Variants in WDR70 observed in about 807,000 individuals in gnomAD.
WDR70 encodes the protein WD repeat domain 70, also known as WD repeat-containing protein 70.
A neutral mutation model predicts 88.6 loss-of-function variants in WDR70; 53 were observed. The observed-to-expected ratio is 0.60, with a 90% CI of 0.48 to 0.75. The LOEUF (loss-of-function observed/expected upper bound fraction) is 0.75, where lower values mean the gene tolerates loss of function less well. Among genes scored for constraint, WDR70 ranks in the 30% least tolerant of loss-of-function variants. WDR70 has a pLI of 0.00. For synonymous variants in WDR70, 280 were observed against 270.0 expected (o/e 1.04, Z -0.36); for missense variants, 610 against 823.2 (o/e 0.74, Z 3.17).
chr5:37,463,644 G>C (rs11750212), intron 7 of WDR70, among the ~76,000 whole-genome samples: 66,468 of 152,066 alleles, frequency 0.44, 14,910 homozygotes, highest in East Asian at 0.57. Context: ...CCGTGAGAGA[G>C]CATTCACTTC....
At chr5:37,538,720 A>G (rs1008778418) in intron 9 of WDR70, among the ~76,000 whole-genome samples, 1 of 152,192 alleles carries the variant, frequency 6.6e-6, no homozygotes, top group Non-Finnish European at 1.5e-5. Context: ...AGAGGGCAAG[A>G]TGGCAGTCTT....
chr5:37,507,180 T>C (rs998423746), intron 8 of WDR70, among the ~76,000 whole-genome samples: 1 of 152,236 alleles, frequency 6.6e-6, no homozygotes, highest in African/African-American at 2.4e-5. Flanking sequence ...TTCATGTAAA[T>C]TTTAGAAGCA....
chr5:37,675,432 A>G (rs1006209022), intron 10 of WDR70, among the ~76,000 whole-genome samples: 30 of 152,166 alleles, frequency 2.0e-4, no homozygotes, highest in Non-Finnish European at 4.1e-4. Context: ...GAAGGGATCC[A>G]GTTTCAGCTT....
chr5:37,499,590 TCTCTCTCTCTCTCTCTC>T (rs1740338204), intron 8 of WDR70, among the ~76,000 whole-genome samples: 6 of 134,508 alleles, frequency 4.5e-5, no homozygotes, highest in South Asian at 2.6e-4. Flanking sequence ...GGAAATATTC[TCTCTCTCTCTCTCTCTC>T]TCTCTCTCTC....
chr5:37,414,355 T>C (rs1044275995), intron 5 of WDR70, among the ~76,000 whole-genome samples: 1 of 152,074 alleles, frequency 6.6e-6, no homozygotes, highest in African/African-American at 2.4e-5. Context: ...TATTCCCGCA[T>C]GGAAACTTTC....
chr5:37,680,811 A>G (rs942057402), intron 10 of WDR70, among the ~76,000 whole-genome samples: 3 of 152,112 alleles, frequency 2.0e-5, no homozygotes, highest in African/African-American at 7.2e-5. Flanking sequence ...ACCCTGTAGT[A>G]TAGTGTGAGT....
intron 9 of WDR70, among the ~76,000 whole-genome samples, chr5:37,554,869 G>A (rs1014593663): frequency 6.6e-6 from 1 of 152,030 alleles, no homozygotes; most frequent in Non-Finnish European, 1.5e-5. Flanking sequence ...CTGTGTCTTA[G>A]TTACAGATTT....
intron 5 of WDR70, among the ~76,000 whole-genome samples, chr5:37,425,863 A>C (rs1670230426): frequency 1.3e-5 from 2 of 152,202 alleles, no homozygotes; most frequent in African/African-American, 4.8e-5. Context: ...AGTTGCTGAG[A>C]TAGAAAGCAG....
chr5:37,412,536 A>G (rs890959681), intron 5 of WDR70, among the ~76,000 whole-genome samples: 27 of 152,062 alleles, frequency 1.8e-4, no homozygotes, highest in Admixed American at 1.3e-4. Context: ...TATCTTTGCT[A>G]TCCTGTTTCC....
At chr5:37,433,294 C>G (rs1023472086) in intron 5 of WDR70, among the ~76,000 whole-genome samples, 3 of 152,146 alleles carry the variant, frequency 2.0e-5, no homozygotes, top group Non-Finnish European at 4.4e-5. Context: ...CTCCTGGCCT[C>G]AAGTGATCCG....
intron 13 of WDR70, among the ~76,000 whole-genome samples, chr5:37,717,460 T>G (rs1438275767): frequency 6.6e-6 from 1 of 152,230 alleles, no homozygotes; most frequent in Non-Finnish European, 1.5e-5. Flanking sequence ...ATGCTTTATT[T>G]GCTGCATTTC....
intron 10 of WDR70, among the ~76,000 whole-genome samples, chr5:37,674,401 G>C (rs1746133321): frequency 6.6e-6 from 1 of 151,814 alleles, no homozygotes; most frequent in Admixed American, 6.6e-5. Flanking sequence ...CCCCACAACA[G>C]TCCCCAGAGT....
At chr5:37,529,380 A>G (rs1230072763) in intron 9 of WDR70, among the ~76,000 whole-genome samples, 1 of 152,070 alleles carries the variant, frequency 6.6e-6, no homozygotes, top group African/African-American at 2.4e-5. Flanking sequence ...ATTTTGATGG[A>G]AATTGCATTC....
intron 10 of WDR70, among the ~76,000 whole-genome samples, chr5:37,681,161 C>G (rs1160999614): frequency 6.6e-6 from 1 of 152,016 alleles, no homozygotes; most frequent in African/African-American, 2.4e-5. Flanking sequence ...TTTCACCTCA[C>G]TGGTTAGCTG....
intron 9 of WDR70, among the ~76,000 whole-genome samples, chr5:37,572,862 A>G (rs193274410): frequency 3.3e-5 from 5 of 152,318 alleles, no homozygotes; most frequent in African/African-American, 1.2e-4. Flanking sequence ...CTTTGGGCTA[A>G]AATCCGAAAT....
At chr5:37,474,133 G>GT (rs1425610271) in intron 7 of WDR70, among the ~76,000 whole-genome samples, 1 of 151,950 alleles carries the variant, frequency 6.6e-6, no homozygotes, top group Admixed American at 6.6e-5. Flanking sequence ...ACATTCAGTG[G>GT]TTTTCAGATT....
intron 7 of WDR70, 98 bp downstream of exon 7, chr5:37,443,470 T>C (rs1240342989): frequency 7.3e-7 from 1 of 1,367,954 alleles, no homozygotes; most frequent in South Asian, 1.4e-5. Flanking sequence ...CAATGATTTG[T>C]ATCAAAATAC....
chr5:37,466,104 C>T (rs1393667546), intron 7 of WDR70, among the ~76,000 whole-genome samples: 7 of 152,016 alleles, frequency 4.6e-5, no homozygotes, highest in African/African-American at 1.7e-4. Context: ...GAATTTTTAC[C>T]TTAGGAGTTC....
chr5:37,650,403 A>T (rs1745369542), intron 10 of WDR70, among the ~76,000 whole-genome samples: 1 of 152,120 alleles, frequency 6.6e-6, no homozygotes, highest in African/African-American at 2.4e-5. Flanking sequence ...TCCGTCAAAA[A>T]AAAGAAAGAG....
Sources: allele counts gnomAD v4.1 joint callset (sites outside exome capture counted in the v4.1 genomes callset), GRCh38; gene constraint gnomAD v4.1.1; transcripts MANE v1.5; gene names NCBI Gene and HGNC (gene_info 2026-07-23, HGNC 2026-07-21).